Variants in TRPM3 observed in about 807,000 individuals in gnomAD.
TRPM3 encodes transient receptor potential cation channel subfamily M member 3.
TRPM3 carries 77 observed loss-of-function variants against 181.2 expected under a neutral mutation model. That is an observed-to-expected ratio of 0.42 (90% CI 0.35 to 0.51). The LOEUF is 0.51. Ranked by LOEUF, TRPM3 falls within the 20% of genes least tolerant of loss-of-function variation. The pLI is 0.01. For missense variants in TRPM3, 1,759 were observed against 2,196.7 expected, an observed-to-expected ratio of 0.80 and a Z score of 3.98; for synonymous variants, 745 against 796.4, an observed-to-expected ratio of 0.94 and a Z score of 1.09.
chr9:71,295,252 AGAT>A (rs1267981786), intron 1 of TRPM3, among the ~76,000 whole-genome samples: 6 of 152,146 alleles, frequency 3.9e-5, no homozygotes, highest in African/African-American at 1.4e-4. Flanking sequence ...CATTCAAGGG[AGAT>A]GATAATGGTC....
intron 7 of TRPM3, among the ~76,000 whole-genome samples, chr9:70,778,306 C>A (rs1003349887): frequency 6.6e-6 from 1 of 152,142 alleles, no homozygotes; most frequent in Admixed American, 6.6e-5. Context: ...CTCTTGTGAC[C>A]TTTTGTGCCT....
chr9:70,539,428 C>T (rs913492823), intron 25 of TRPM3, among the ~76,000 whole-genome samples: 1 of 152,010 alleles, frequency 6.6e-6, no homozygotes, highest in Non-Finnish European at 1.5e-5. Context: ...AGCTTCCCTT[C>T]ACCCAGCCAA....
rs1157415144 is a variant in TRPM3 at position 70,537,273 on chromosome 9, C to T, written c.3840G>A (p.Glu1280=). The T allele has an allele frequency of 1.9e-6, 3 of 1,579,914 alleles. No homozygotes were observed. The East Asian group carries it at 6.8e-5, about 36-fold the overall frequency. Residue 1280 remains glutamate (E), a synonymous_variant, in exon 26 of 26, where the codon GAG becomes GAA. Coordinates refer to ENST00000677713, the MANE Select transcript of TRPM3 (RefSeq NM_001366145.2). Reference sequence around the variant, plus strand: ...CGGCCCGCTCCAGACCTGTCAGGCGCTCCAGGGCCGTGGCCATGCGCCCGA... The same window carrying T: ...CGGCCCGCTCCAGACCTGTCAGGCGTTCCAGGGCCGTGGCCATGCGCCCGA... The part of the protein sequence containing the change: ...DLIGRMATAL[E]RLTGLERAES...
rs185994295 is a variant in TRPM3 at position 70,999,272 on chromosome 9, G to C, written c.177+121906C>G. Among the ~76,000 whole-genome samples, 4 of 152,294 alleles carry C rather than the reference G, an allele frequency of 2.6e-5. No homozygotes were observed. In the East Asian group the frequency reaches 7.7e-4, roughly 29 times the overall value. The stretch of plus-strand genomic sequence containing the variant: ...TCATAGGTGTGCTTTTAACTGAACT[G>C]ATTTCTCCAGTCTGGTGAATGGGGT... On this transcript the variant is annotated intron_variant, in intron 1 of 25. Transcript: ENST00000677713.
chr9:70,535,816 T>TA lies in TRPM3; in HGVS notation c.*136dup. On this transcript the variant is annotated 3_prime_UTR_variant, in exon 26 of 26. Coordinates refer to ENST00000677713, the MANE Select transcript of TRPM3 (RefSeq NM_001366145.2). ...TGTGGCCCAGAAGTCACCTTTGAGT[T>TA]AACACCTCCCAAAGCATTGCTTGTT... is the stretch of plus-strand genomic sequence containing the variant. 6.7e-7 allele frequency: 1 copy of TA among 1,501,402 alleles called. No individual in the cohort carries two copies. Among genetic ancestry groups the TA allele is most frequent in the Middle Eastern group, 1.8e-4 (1 of 5,532 alleles). 93.0% of individuals were successfully genotyped at this position (1,501,402 alleles called of 1,614,324 possible). A position where few individuals can be genotyped will look rare whatever the true frequency, so the allele number is the denominator to read the frequency against.
intron 9 of TRPM3, among the ~76,000 whole-genome samples, chr9:70,650,911 G>A (rs1287782629): frequency 6.6e-6 from 1 of 152,048 alleles, no homozygotes; most frequent in Non-Finnish European, 1.5e-5. Flanking sequence ...TTTCTTCATA[G>A]ATGAGTGCTT....
chr9:70,926,210 G>T (rs1190638985), intron 1 of TRPM3, among the ~76,000 whole-genome samples: 1 of 151,990 alleles, frequency 6.6e-6, no homozygotes, highest in Non-Finnish European at 1.5e-5. Context: ...ATGAGAAATG[G>T]GAATAAATTA....
rs2066168019 is a variant in TRPM3, at chr9:71,091,263, G to A, written c.177+29915C>T. On this transcript the variant is annotated intron_variant, in intron 1 of 25. Transcript: ENST00000677713. ...AAAGAAGATCAAATTTCTCTTTATG[G>A]TCTTTGTGGTGGTTATCTATTTTTC... Among the ~76,000 whole-genome samples the A allele has an allele frequency of 2.6e-5, 4 of 152,024 alleles. No homozygotes were observed. In the South Asian group the frequency reaches 8.3e-4, roughly 32 times the overall value.
At chr9:70,814,174 C>T (rs547408963) in intron 6 of TRPM3, among the ~76,000 whole-genome samples, 1 of 152,218 alleles carries the variant, frequency 6.6e-6, no homozygotes, top group East Asian at 1.9e-4. Flanking sequence ...GTTTAGCTTC[C>T]ACATGAGGTG....
rs2094961133 is a variant in TRPM3, at chr9:70,846,568, T to C, written c.486A>G (p.Thr162=). 6.2e-7 allele frequency: 1 copy of C among 1,614,140 alleles called. No homozygotes were observed. Among genetic ancestry groups the C allele is most frequent in the Non-Finnish European group, 8.5e-7 (1 of 1,179,998 alleles). ...KAMYVRVSFD[T]KPDLLLHLMT... is the part of the protein sequence containing the mutation. ...TCAGGTGTAAGAGGAGATCAGGTTT[T>C]GTATCAAAAGATACTCGCACATACT... The change falls in exon 4 of 26, where the codon ACA becomes ACG. Residue 162 remains threonine (T), a synonymous_variant. Coordinates refer to ENST00000677713, the MANE Select transcript of TRPM3 (RefSeq NM_001366145.2).
At chr9:70,907,212 T>G (rs1190654395) in intron 1 of TRPM3, among the ~76,000 whole-genome samples, 3 of 152,184 alleles carry the variant, frequency 2.0e-5, no homozygotes, top group African/African-American at 7.2e-5. Context: ...CCATCCTCTG[T>G]GGACATGTGT....
At chr9:71,266,383 C>T (rs945529886) in intron 1 of TRPM3, among the ~76,000 whole-genome samples, 2 of 151,934 alleles carry the variant, frequency 1.3e-5, no homozygotes, top group Non-Finnish European at 2.9e-5. Context: ...AGAAAGGAAA[C>T]CGGTTTTTAA....
intron 1 of TRPM3, among the ~76,000 whole-genome samples, chr9:71,372,582 AT>A: frequency 6.6e-6 from 1 of 152,166 alleles, no homozygotes; most frequent in South Asian, 2.1e-4. Flanking sequence ...TGTGGTTTTA[AT>A]TTGCATTTCT....
chr9:71,063,688 G>A (rs577319518), intron 1 of TRPM3, among the ~76,000 whole-genome samples: 160 of 152,202 alleles, frequency 1.1e-3, no homozygotes, highest in African/African-American at 3.6e-3. Flanking sequence ...GGGCTGAGGG[G>A]AGGGTGGCTG....
intron 22 of TRPM3, among the ~76,000 whole-genome samples, chr9:70,572,672 G>GA (rs1415316770): frequency 1.3e-5 from 2 of 151,896 alleles, no homozygotes; most frequent in Non-Finnish European, 2.9e-5. Flanking sequence ...TGGGTTTTTG[G>GA]AAAAAAATCA....
At chr9:71,382,206 T>A (rs1362652230) in intron 1 of TRPM3, among the ~76,000 whole-genome samples, 1 of 152,152 alleles carries the variant, frequency 6.6e-6, no homozygotes, top group Admixed American at 6.6e-5. Flanking sequence ...TAAATAAAAA[T>A]TTTAATTAAA....
At chr9:70,789,642 G>T (rs2084859037) in intron 6 of TRPM3, among the ~76,000 whole-genome samples, 1 of 152,160 alleles carries the variant, frequency 6.6e-6, no homozygotes, top group South Asian at 2.1e-4. Context: ...ATATAAGGTT[G>T]CTTTAAGCAG....
At chr9:71,237,809 T>G (rs961248539) in intron 1 of TRPM3, among the ~76,000 whole-genome samples, 1 of 152,162 alleles carries the variant, frequency 6.6e-6, no homozygotes, top group Non-Finnish European at 1.5e-5. Flanking sequence ...TGGCATTTGG[T>G]CTAGTGAGGG....
At chr9:70,868,694 A>G (rs577276240) in intron 1 of TRPM3, among the ~76,000 whole-genome samples, 2 of 152,148 alleles carry the variant, frequency 1.3e-5, no homozygotes, top group African/African-American at 4.8e-5. Flanking sequence ...TAACAGAAGG[A>G]CAACCACTCA....
Sources: gnomAD v4.1 joint callset for allele counts (sites outside exome capture counted in the v4.1 genomes callset) on GRCh38, gnomAD v4.1.1 for gene constraint, MANE v1.5 for transcripts, NCBI Gene and HGNC (gene_info 2026-07-23, HGNC 2026-07-21) for gene names.